FAAH2: variants seen among roughly 807,000 people sequenced by gnomAD.
FAAH2 encodes fatty-acid amide hydrolase 2.
A neutral mutation model predicts 36.9 loss-of-function variants in FAAH2; 60 were observed. That is an observed-to-expected ratio of 1.63 (90% CI 1.32 to 2.02). The LOEUF (loss-of-function observed/expected upper bound fraction) is 2.02. Among genes scored for constraint, FAAH2 ranks in the 30% most tolerant of loss-of-function variants. The probability of loss-of-function intolerance (pLI) is 0.00; values close to 1 mark genes in which losing one functional copy is unlikely to be tolerated. For missense variants in FAAH2, 689 were observed against 397.5 expected (o/e 1.73, Z -6.23); for synonymous variants, 214 against 143.8 (o/e 1.49, Z -3.49).
chrX:57,347,147 T>G (rs781270704), intron 5 of FAAH2, among the ~76,000 whole-genome samples: 64 of 111,841 alleles, frequency 5.7e-4, no homozygotes, highest in Non-Finnish European at 9.0e-4. Flanking sequence ...GACTATATTT[T>G]CAAATATATT....
the FAAH2 span, among the ~76,000 whole-genome samples, chrX:57,272,496 C>T: frequency 9.0e-6 from 1 of 111,681 alleles, no homozygotes; most frequent in East Asian, 2.8e-4. Context: ...ATGTTAAGGG[C>T]AGCCAGAGAA....
intron 1 of FAAH2, among the ~76,000 whole-genome samples, chrX:57,289,274 A>G (rs1288163909): frequency 9.0e-6 from 1 of 110,992 alleles, no homozygotes; most frequent in Admixed American, 9.6e-5. Flanking sequence ...GCTCTGATTG[A>G]ACAGTCAGTT....
intron 7 of FAAH2, among the ~76,000 whole-genome samples, chrX:57,396,731 G>T (rs1235942685): frequency 9.0e-6 from 1 of 111,455 alleles, no homozygotes; most frequent in African/African-American, 3.3e-5. Context: ...CAAGTGTATT[G>T]AGCCTTGCTA....
chrX:57,270,918 C>A, the FAAH2 span, among the ~76,000 whole-genome samples: 5 of 112,183 alleles, frequency 4.5e-5, no homozygotes, highest in Non-Finnish European at 7.5e-5. Flanking sequence ...AGTCACTGAA[C>A]TAGCTGCAGG....
chrX:57,292,708 TTC>T, intron 2 of FAAH2, 128 bp downstream of exon 2: 1 of 457,478 alleles, frequency 2.2e-6, no homozygotes, highest in Non-Finnish European at 3.5e-6. Context: ...CACTGGGAAC[TTC>T]TCTGACTTCT....
At chrX:57,346,481 C>A (rs1221955301) in intron 5 of FAAH2, among the ~76,000 whole-genome samples, 4 of 111,753 alleles carry the variant, frequency 3.6e-5, no homozygotes, top group Non-Finnish European at 5.6e-5. Flanking sequence ...AAGTTTTTCT[C>A]CATCGCGTTG....
the FAAH2 span, among the ~76,000 whole-genome samples, chrX:57,197,416 G>A: frequency 1.8e-5 from 2 of 111,612 alleles, no homozygotes; most frequent in Middle Eastern, 4.6e-3. Context: ...TGATGAGCTA[G>A]TATGACCTTT....
intron 7 of FAAH2, among the ~76,000 whole-genome samples, chrX:57,429,649 C>T (rs1260606539): frequency 9.0e-6 from 1 of 111,467 alleles, no homozygotes; most frequent in East Asian, 2.8e-4. Context: ...AAAAATAGAA[C>T]TACCATTCTA....
chrX:57,209,944 G>GT, the FAAH2 span, among the ~76,000 whole-genome samples: 8 of 109,033 alleles, frequency 7.3e-5, no homozygotes, highest in African/African-American at 2.7e-4. Context: ...TTAATTATGT[G>GT]GTTTTTTTTT....
chrX:57,313,073 T>C (rs2052739708), intron 3 of FAAH2, among the ~76,000 whole-genome samples: 1 of 111,676 alleles, frequency 9.0e-6, no homozygotes, highest in Admixed American at 9.6e-5. Context: ...AAAGACTCAC[T>C]ATGAGAATTT....
At chrX:57,280,227 T>C in the FAAH2 span, among the ~76,000 whole-genome samples, 87 of 111,415 alleles carry the variant, frequency 7.8e-4, no homozygotes, top group Non-Finnish European at 1.5e-3. Flanking sequence ...AGATCTTTTT[T>C]TTTCTGTACT....
the FAAH2 span, among the ~76,000 whole-genome samples, chrX:57,235,084 C>T: frequency 4.1e-3 from 459 of 110,928 alleles, 3 homozygotes; most frequent in African/African-American, 0.014. Context: ...TGTGTGAAAA[C>T]TCTGTGCACA....
At chrX:57,479,030 C>A (rs2057326185) in intron 10 of FAAH2, among the ~76,000 whole-genome samples, 1 of 111,525 alleles carries the variant, frequency 9.0e-6, no homozygotes, top group East Asian at 2.8e-4. Context: ...TGAAGAAAGA[C>A]ATTGGTAGCT....
At chrX:57,275,532 C>G in the FAAH2 span, among the ~76,000 whole-genome samples, 1 of 112,347 alleles carries the variant, frequency 8.9e-6, no homozygotes, top group Non-Finnish European at 1.9e-5. Flanking sequence ...GTTAAAATAA[C>G]CAGCTGACAT....
the FAAH2 span, among the ~76,000 whole-genome samples, chrX:57,258,863 C>T: frequency 4.6e-5 from 5 of 107,812 alleles, no homozygotes; most frequent in Non-Finnish European, 9.6e-5. Context: ...CACCTGCCAC[C>T]ACGCCTGGCT....
chrX:57,260,906 G>A, the FAAH2 span, among the ~76,000 whole-genome samples: 1 of 111,792 alleles, frequency 8.9e-6, no homozygotes, highest in African/African-American at 3.2e-5. Flanking sequence ...AAGTGTTGGT[G>A]AGAATGTAGT....
chrX:57,292,699 A>C, intron 2 of FAAH2, 119 bp downstream of exon 2: 1 of 513,692 alleles, frequency 1.9e-6, no homozygotes. Flanking sequence ...CCTTGTTCTC[A>C]CTGGGAACTT....
intron 5 of FAAH2, among the ~76,000 whole-genome samples, chrX:57,364,039 G>C (rs1163368784): frequency 6.1e-5 from 4 of 65,930 alleles, no homozygotes; most frequent in South Asian, 9.3e-4. Context: ...TTTTTGTATT[G>C]GTGGGCTTAG....
chrX:57,436,983 CA>C (rs1159808781), intron 8 of FAAH2, among the ~76,000 whole-genome samples: 1 of 110,518 alleles, frequency 9.0e-6, no homozygotes, highest in African/African-American at 3.3e-5. Context: ...AACTCCTCAG[CA>C]AAATACTAGA....
Sources: allele counts gnomAD v4.1 joint callset (sites outside exome capture counted in the v4.1 genomes callset), GRCh38; gene constraint gnomAD v4.1.1; transcripts MANE v1.5; gene names NCBI Gene and HGNC (gene_info 2026-07-23, HGNC 2026-07-21).